KTN1: variants seen among roughly 807,000 people sequenced by gnomAD.
The protein encoded by KTN1 is kinectin 1.
KTN1 carries 130 observed loss-of-function variants against 222.5 expected under a neutral mutation model. That is an observed-to-expected ratio of 0.58 (90% CI 0.51 to 0.68). The LOEUF (loss-of-function observed/expected upper bound fraction) is 0.68, where lower values mean the gene tolerates loss of function less well. Among genes scored for constraint, KTN1 ranks in the 30% least tolerant of loss-of-function variants. The probability of loss-of-function intolerance (pLI) is 0.00; values close to 1 mark genes in which losing one functional copy is unlikely to be tolerated. For missense variants in KTN1, 1,508 were observed against 1,500.4 expected (o/e 1.01, Z -0.08); for synonymous variants, 512 against 496.3 (o/e 1.03, Z -0.42).
chr14:55,633,405 A>G, intron 8 of KTN1, 64 bp downstream of exon 8: 1 of 940,914 alleles, frequency 1.1e-6, no homozygotes, highest in Non-Finnish European at 1.6e-6. Context: ...TCATCAAAAT[A>G]TTAATAGCGT....
intron 39 of KTN1, 49 bp from the exon 40 acceptor site, chr14:55,673,123 C>T (rs1222800303): frequency 7.9e-6 from 12 of 1,512,158 alleles, no homozygotes; most frequent in Non-Finnish European, 1.0e-5. Flanking sequence ...GCATACAAAA[C>T]ATGGGCTATC....
chr14:55,651,544 A>C (rs1351514288), intron 24 of KTN1: 2 of 371,932 alleles, frequency 5.4e-6, no homozygotes, highest in Non-Finnish European at 1.0e-5. Context: ...GACTGGTCTG[A>C]GTGCAGTGGT....
chr14:55,659,840 G>T lies in KTN1; in HGVS notation c.2999+137G>T, dbSNP rs1216185843. On this transcript the variant is annotated intron_variant, in intron 31 of 43. Transcript: ENST00000395314. Reference sequence around the variant, plus strand: ...TTCTATTTGGATATCTTGAATTGCAGTTTAGAGTTGAGTAGTACCTTTGGC... The same window carrying T: ...TTCTATTTGGATATCTTGAATTGCATTTTAGAGTTGAGTAGTACCTTTGGC... 1.7e-5 allele frequency: 10 copies of T among 577,888 alleles called. No individual in the cohort carries two copies. The Admixed American group carries it at 3.2e-4, about 18-fold the overall frequency. The allele number at this position is 577,888 out of a possible 1,614,324, so 35.8% of individuals were successfully genotyped here. A position where few individuals can be genotyped will look rare whatever the true frequency, so the allele number is the denominator to read the frequency against.
At position 55,612,068 on chromosome 14, in the gene KTN1, C is replaced by G; in HGVS notation, c.20C>G (p.Ala7Gly). 4 of 1,484,914 alleles carry G rather than the reference C, an allele frequency of 2.7e-6. No individual in the cohort carries two copies. The highest frequency in any genetic ancestry group is 3.6e-6 in the Non-Finnish European group (4 of 1,120,978). 92.0% of individuals were successfully genotyped at this position (1,484,914 alleles called of 1,614,324 possible). A position where few individuals can be genotyped will look rare whatever the true frequency, so the allele number is the denominator to read the frequency against. ...AGTACCATGGAGTTTTATGAGTCAG[C>G]ATATTTTATTGTTCTTATTCCTTCA... Reference protein sequence around the residue: MEFYESAYFIVLIPSIV... With the variant: MEFYESGYFIVLIPSIV... Residue 7 changes from alanine (A) to glycine (G), a missense_variant, in exon 2 of 44, where the codon GCA (alanine) becomes GGA (glycine). Ala to Gly is a moderately conservative substitution (Grantham distance 60). Transcript: ENST00000395314.
chr14:55,666,447 T>C (rs1389975709), intron 33 of KTN1, among the ~76,000 whole-genome samples: 1 of 151,858 alleles, frequency 6.6e-6, no homozygotes, highest in African/African-American at 2.4e-5. Context: ...GTGGAGGTAG[T>C]TGAAATGTTA....
chr14:55,633,433 G>T, intron 8 of KTN1, 92 bp downstream of exon 8: 1 of 727,738 alleles, frequency 1.4e-6, no homozygotes, highest in Non-Finnish European at 2.1e-6. Flanking sequence ...TAATTGGTTA[G>T]ACTTTTGTGT....
chr14:55,670,869 T>C, intron 35 of KTN1, 60 bp downstream of exon 35: 1 of 1,142,380 alleles, frequency 8.8e-7, no homozygotes, highest in Non-Finnish European at 1.3e-6. Context: ...CAAATAAGAT[T>C]TTGTCTTCAT....
chr14:55,649,710 C>A, intron 21 of KTN1, 66 bp from the exon 22 acceptor site: 1 of 906,016 alleles, frequency 1.1e-6, no homozygotes, highest in Non-Finnish European at 1.8e-6. Context: ...GGATAATGTG[C>A]ATTTCTATTT....
chr14:55,648,264 G>A (rs2042595461), intron 20 of KTN1, 149 bp downstream of exon 20: 1 of 424,978 alleles, frequency 2.4e-6, no homozygotes, highest in Non-Finnish European at 4.2e-6. Context: ...TTTAATTAAA[G>A]TTTTTTTAGA....
At position 55,640,932 on chromosome 14, in the gene KTN1, G is replaced by GGCT; in HGVS notation, c.1992_1994dup (p.Ala665dup). On this transcript the variant is annotated inframe_insertion and splice_region_variant. Coordinates refer to ENST00000395314, the MANE Select transcript of KTN1 (RefSeq NM_001079521.2). ...TCATTTTCTTCTCATTCCACACACA[G>GGCT]GCTGCTGCTGCACATGAATTGGAGA... 6.2e-7 allele frequency: 1 copy of GGCT among 1,611,852 alleles called. No homozygotes were observed. The highest frequency in any genetic ancestry group is 8.5e-7 in the Non-Finnish European group (1 of 1,178,538).
intron 14 of KTN1, 36 bp from the exon 15 acceptor site, chr14:55,640,338 A>G (rs2041643891): frequency 7.5e-7 from 1 of 1,328,006 alleles, no homozygotes; most frequent in Non-Finnish European, 1.1e-6. Context: ...AATCAGTTGT[A>G]TTAAGTATTT....
chr14:55,637,903 A>G, intron 12 of KTN1, 56 bp downstream of exon 12: 1 of 1,330,868 alleles, frequency 7.5e-7, no homozygotes. Context: ...TTAAACACTC[A>G]CCTGAATGTC....
chr14:55,597,915 G>T (rs1218162493), intron 1 of KTN1, among the ~76,000 whole-genome samples: 1 of 151,974 alleles, frequency 6.6e-6, no homozygotes, highest in Non-Finnish European at 1.5e-5. Flanking sequence ...CTACAGAATA[G>T]ATTGTAAGGT....
At chr14:55,596,234 A>G (rs2035019213) in intron 1 of KTN1, among the ~76,000 whole-genome samples, 1 of 151,286 alleles carries the variant, frequency 6.6e-6, no homozygotes, top group South Asian at 2.1e-4. Flanking sequence ...TATATTTTTT[A>G]GTAACATTGT....
At position 55,679,596 on chromosome 14, in the gene KTN1, G is replaced by A; in HGVS notation, c.3980G>A (p.Ser1327Asn). Residue 1327 changes from serine to asparagine, a missense_variant, in exon 43 of 44, where the codon AGT (serine) becomes AAT (asparagine). Ser to Asn is a conservative substitution (Grantham distance 46, BLOSUM62 1). Coordinates refer to ENST00000395314, the MANE Select transcript of KTN1 (RefSeq NM_001079521.2). Reference sequence around the variant, plus strand: ...TCTGAGAAGGAGACAATGTCTGTAAGTCTAAATCAGACTGTAACACAGTTA... The same window carrying A: ...TCTGAGAAGGAGACAATGTCTGTAAATCTAAATCAGACTGTAACACAGTTA... ...ESSEKETMSVSLNQTVTQLQQ... is the reference protein window; with the variant it reads ...ESSEKETMSVNLNQTVTQLQQ... The A allele has an allele frequency of 6.2e-7, 1 of 1,611,556 alleles. No homozygotes were observed. Among genetic ancestry groups the A allele is most frequent in the South Asian group, 1.1e-5 (1 of 90,994 alleles).
At chr14:55,657,318 T>C (rs950488136) in intron 29 of KTN1, among the ~76,000 whole-genome samples, 4 of 152,158 alleles carry the variant, frequency 2.6e-5, no homozygotes, top group African/African-American at 9.6e-5. Flanking sequence ...CGAGAGAAGT[T>C]AAGCATTTTT....
chr14:55,609,493 A>G (rs1447934282), intron 1 of KTN1, among the ~76,000 whole-genome samples: 1 of 152,200 alleles, frequency 6.6e-6, no homozygotes, highest in Non-Finnish European at 1.5e-5. Context: ...AGAAAGCTTG[A>G]TTCCTTCACG....
intron 21 of KTN1, among the ~76,000 whole-genome samples, chr14:55,649,433 A>G (rs2042717893): frequency 6.6e-6 from 1 of 152,212 alleles, no homozygotes; most frequent in African/African-American, 2.4e-5. Context: ...AAAAGGTTCT[A>G]AGTATACAAA....
intron 5 of KTN1, among the ~76,000 whole-genome samples, chr14:55,621,974 G>C (rs2039204291): frequency 6.6e-6 from 1 of 150,850 alleles, no homozygotes; most frequent in South Asian, 2.1e-4. Context: ...TCAGCTTCCA[G>C]AGTAGCTGGG....
Sources: gnomAD v4.1 joint callset for allele counts (sites outside exome capture counted in the v4.1 genomes callset) on GRCh38, gnomAD v4.1.1 for gene constraint, MANE v1.5 for transcripts, NCBI Gene and HGNC (gene_info 2026-07-23, HGNC 2026-07-21) for gene names.